DGKB: variants seen among roughly 807,000 people sequenced by gnomAD.
DGKB encodes the protein diacylglycerol kinase beta.
In DGKB, 67 loss-of-function variants were observed where a neutral mutation model predicts 114.3. That is an observed-to-expected ratio of 0.59 (90% CI 0.48 to 0.72). The LOEUF (loss-of-function observed/expected upper bound fraction) is 0.72. DGKB is among the 30% of genes least tolerant of loss of function. The pLI is 0.00. For missense variants in DGKB, 907 were observed against 975.2 expected, an observed-to-expected ratio of 0.93 and a Z score of 0.93; for synonymous variants, 398 against 323.1, an observed-to-expected ratio of 1.23 and a Z score of -2.49.
chr7:14,359,746 A>C (rs1815325598), intron 21 of DGKB, among the ~76,000 whole-genome samples: 1 of 152,204 alleles, frequency 6.6e-6, no homozygotes, highest in Non-Finnish European at 1.5e-5. Context: ...AGAGAAATGC[A>C]AATCAAAACC....
intron 23 of DGKB, among the ~76,000 whole-genome samples, chr7:14,313,995 C>T (rs1805957742): frequency 6.6e-6 from 1 of 152,226 alleles, no homozygotes; most frequent in African/African-American, 2.4e-5. Flanking sequence ...AGCAGTTTAA[C>T]TGCGAGGCAC....
chr7:14,902,389 C>G (rs1007655646), intron 1 of DGKB, among the ~76,000 whole-genome samples: 8 of 152,156 alleles, frequency 5.3e-5, no homozygotes, highest in African/African-American at 1.9e-4. Flanking sequence ...AATACACAAG[C>G]GGCATCCGCC....
chr7:14,324,877 G>A (rs1349385430), intron 23 of DGKB, among the ~76,000 whole-genome samples: 1 of 152,104 alleles, frequency 6.6e-6, no homozygotes, highest in East Asian at 1.9e-4. Flanking sequence ...GCAGAAGCAG[G>A]AGACACTAAA....
chr7:14,473,007 A>G (rs1781641429), intron 21 of DGKB, among the ~76,000 whole-genome samples: 1 of 152,166 alleles, frequency 6.6e-6, no homozygotes, highest in African/African-American at 2.4e-5. Flanking sequence ...GCTATAGAAA[A>G]GAAAATCCCA....
chr7:14,392,995 G>GTTTTTTT (rs1554404748), intron 21 of DGKB, among the ~76,000 whole-genome samples: 2 of 60,546 alleles, frequency 3.3e-5, no homozygotes, highest in East Asian at 5.3e-4. Flanking sequence ...TTTTGTTTTT[G>GTTTTTTT]TTTTTTTTTT....
chr7:14,554,901 G>C (rs146781466), intron 20 of DGKB, among the ~76,000 whole-genome samples: 1 of 151,470 alleles, frequency 6.6e-6, no homozygotes, highest in African/African-American at 2.4e-5. Flanking sequence ...TATTATTTTT[G>C]TTGAAAACAT....
At chr7:14,279,351 T>C (rs372811244) in intron 23 of DGKB, among the ~76,000 whole-genome samples, 8 of 152,182 alleles carry the variant, frequency 5.3e-5, no homozygotes, top group East Asian at 3.9e-4. Context: ...ACAAAGCAAC[T>C]GGGAAGCTCC....
In DGKB at chr7:14,549,984, T is replaced by TA. The variant is rs1048935830; in HGVS notation, c.1770+24227dup. On this transcript the variant is annotated intron_variant, in intron 20 of 25. Transcript: ENST00000402815. ...AGCCTGCTGACAGAGCTAGACTGTC[T>TA]AAAAAAAAAAAACAAAAAACTTTAG... 7.1e-3 allele frequency among the ~76,000 whole-genome samples: 993 copies of TA among 139,122 alleles called. 3 individuals carry two copies. The highest frequency in any genetic ancestry group is 0.018 in the African/African-American group (684 of 38,030). The allele number at this position is 139,122 out of a possible 152,430, so 91.3% of individuals were successfully genotyped here.
intron 13 of DGKB, among the ~76,000 whole-genome samples, chr7:14,663,495 A>G (rs1046694367): frequency 6.6e-6 from 1 of 151,966 alleles, no homozygotes; most frequent in African/African-American, 2.4e-5. Flanking sequence ...TTGCCCACAG[A>G]TCAGGAGTTC....
chr7:14,928,118 C>G (rs960108222), intron 1 of DGKB, among the ~76,000 whole-genome samples: 1 of 151,792 alleles, frequency 6.6e-6, no homozygotes, highest in Non-Finnish European at 1.5e-5. Flanking sequence ...ATTTAAAATT[C>G]TATTTATGAT....
At chr7:14,397,924 G>T (rs1822498322) in intron 21 of DGKB, among the ~76,000 whole-genome samples, 1 of 151,950 alleles carries the variant, frequency 6.6e-6, no homozygotes, top group South Asian at 2.1e-4. Context: ...CTTCTCTTTT[G>T]TTTGTTATTT....
intron 6 of DGKB, among the ~76,000 whole-genome samples, chr7:14,717,815 C>A (rs559687693): frequency 6.6e-6 from 1 of 151,918 alleles, no homozygotes. Flanking sequence ...TTAGAAAGAA[C>A]CTCAGAGATA....
intron 21 of DGKB, among the ~76,000 whole-genome samples, chr7:14,445,370 C>T (rs2128821927): frequency 6.6e-6 from 1 of 151,978 alleles, no homozygotes; most frequent in Admixed American, 6.6e-5. Context: ...GTAATTATTA[C>T]CAAGCAAAAG....
rs139936142 is a variant in DGKB at position 14,557,440 on chromosome 7, G to A, written c.1770+16772C>T. Among the ~76,000 whole-genome samples, 98 of 152,156 alleles carry A rather than the reference G, an allele frequency of 6.4e-4. 1 individual carries two copies. The highest frequency in any genetic ancestry group is 2.2e-3 in the African/African-American group (90 of 41,540). On this transcript the variant is annotated intron_variant, in intron 20 of 25. Coordinates refer to ENST00000402815, the MANE Select transcript of DGKB (RefSeq NM_001350709.2). ...TGTCATTTTTTTAGGGGAGAAAAAA[G>A]CTTTGGGCTTTGTCTGTCATTATAC...
intron 1 of DGKB, among the ~76,000 whole-genome samples, chr7:14,910,598 A>T (rs1783951893): frequency 6.6e-6 from 1 of 152,174 alleles, no homozygotes; most frequent in Non-Finnish European, 1.5e-5. Flanking sequence ...TCCTACGAAG[A>T]AGATACTCTC....
chr7:14,224,502 A>T (rs1374571749), intron 23 of DGKB, among the ~76,000 whole-genome samples: 2 of 151,856 alleles, frequency 1.3e-5, no homozygotes, highest in Non-Finnish European at 2.9e-5. Flanking sequence ...AATCACAGGT[A>T]GTTTCTGTTG....
intron 22 of DGKB, 140 bp downstream of exon 22, chr7:14,345,161 G>A (rs1812269812): frequency 2.1e-5 from 12 of 562,358 alleles, no homozygotes; most frequent in Non-Finnish European, 3.8e-5. Context: ...TGAGTGAAAG[G>A]AATGACAATT....
chr7:14,837,865 TCAGGAAAGTCCTTGGAG>T (rs1335681017), intron 2 of DGKB, among the ~76,000 whole-genome samples: 2 of 152,200 alleles, frequency 1.3e-5, no homozygotes, highest in Non-Finnish European at 2.9e-5. Context: ...TCCTAATTAT[TCAGGAAAGTCCTTGGAG>T]CAGGAAATCT....
At chr7:14,838,949 C>T (rs1847535180) in intron 2 of DGKB, among the ~76,000 whole-genome samples, 1 of 152,094 alleles carries the variant, frequency 6.6e-6, no homozygotes, top group African/African-American at 2.4e-5. Flanking sequence ...ATATCATTTC[C>T]TTTGTCATTT....
Sources: allele counts gnomAD v4.1 joint callset (sites outside exome capture counted in the v4.1 genomes callset), GRCh38; gene constraint gnomAD v4.1.1; transcripts MANE v1.5; gene names NCBI Gene and HGNC (gene_info 2026-07-23, HGNC 2026-07-21).